Variants in LIX1 observed in about 807,000 individuals in gnomAD.
LIX1 encodes the protein limb and CNS expressed 1, also known as protein limb expression 1 homolog.
LIX1 carries 24 observed loss-of-function variants against 33.4 expected under a neutral mutation model. The observed-to-expected ratio is 0.72, with a 90% confidence interval of 0.52 to 1.01. LIX1 has a LOEUF of 1.01. Among genes scored for constraint, LIX1 ranks in the 50% least tolerant of loss-of-function variants. LIX1 has a pLI of 0.00. For missense variants in LIX1, 311 were observed against 339.2 expected (o/e 0.92, Z 0.65); for synonymous variants, 124 against 124.0 (o/e 1.00, Z 0.00).
chr5:97,112,473 C>A (rs1288646079), intron 2 of LIX1, among the ~76,000 whole-genome samples: 1 of 152,174 alleles, frequency 6.6e-6, no homozygotes, highest in Admixed American at 6.5e-5. Flanking sequence ...TTATACAGTT[C>A]ATTCTTGCTA....
chr5:97,113,127 TCCCAAG>T, intron 2 of LIX1, among the ~76,000 whole-genome samples: 1 of 152,230 alleles, frequency 6.6e-6, no homozygotes, highest in South Asian at 2.1e-4. Flanking sequence ...TTATGAGCAG[TCCCAAG>T]GAAAGGCATA....
chr5:97,100,935 TA>T (rs1746662802), intron 4 of LIX1, among the ~76,000 whole-genome samples: 1 of 150,580 alleles, frequency 6.6e-6, no homozygotes, highest in African/African-American at 2.4e-5. Context: ...TTTTTTTAAA[TA>T]AAGGAAATTA....
At chr5:97,138,885 C>T (rs1380140181) in intron 1 of LIX1, among the ~76,000 whole-genome samples, 1 of 152,108 alleles carries the variant, frequency 6.6e-6, no homozygotes, top group African/African-American at 2.4e-5. Flanking sequence ...TTCATTGAAG[C>T]ATTTCAGATT....
chr5:97,094,930 G>T lies in LIX1; in HGVS notation c.667C>A (p.Gln223Lys). The T allele has an allele frequency of 1.2e-6, 2 of 1,614,178 alleles. No homozygotes were observed. The highest frequency in any genetic ancestry group is 1.7e-6 in the Non-Finnish European group (2 of 1,180,026). The change falls in exon 6 of 6, where the codon CAA becomes AAA. Residue 223 changes from glutamine (Q) to lysine (K), a missense_variant. Transcript: ENST00000274382. ...TGCCTCAGGGCCATTCGTAGCTCTT[G>T]AGAGACAATTCCTGGTGAGTCCCGC... ...KERDSPGIVSQELRMALRQLE... is the reference protein window; with the variant it reads ...KERDSPGIVSKELRMALRQLE...
intron 1 of LIX1, among the ~76,000 whole-genome samples, chr5:97,127,728 G>T (rs1194419286): frequency 6.6e-6 from 1 of 152,180 alleles, no homozygotes; most frequent in Non-Finnish European, 1.5e-5. Context: ...TTTGAGAGTA[G>T]GCGTCAATCA....
At position 97,124,473 on chromosome 5, in the gene LIX1, T is replaced by C; in HGVS notation, c.239A>G (p.Asn80Ser). Residue 80 changes from asparagine (N) to serine (S), a missense_variant, in exon 2 of 6, where the codon AAC becomes AGC. By Grantham distance (46) the Asn-to-Ser change is conservative. Transcript: ENST00000274382. ...TTAATGGCTACTTCTTACCTGAAAG[T>C]TGCCAAAACAGCTTCCCCCTGGGAG... ...VTLPGGSCFG[N>S]FQCCLSRAEA... The C allele has an allele frequency of 6.3e-7, 1 of 1,598,576 alleles. No homozygotes were observed. Among genetic ancestry groups the C allele is most frequent in the East Asian group, 2.3e-5 (1 of 44,430 alleles).
chr5:97,098,659 A>T (rs1244279393), intron 4 of LIX1, among the ~76,000 whole-genome samples: 1 of 152,164 alleles, frequency 6.6e-6, no homozygotes, highest in Admixed American at 6.5e-5. Flanking sequence ...CTGAGGCAGG[A>T]GAATTGATTG....
At chr5:97,135,557 G>A (rs1294818442) in intron 1 of LIX1, among the ~76,000 whole-genome samples, 4 of 152,192 alleles carry the variant, frequency 2.6e-5, no homozygotes, top group Non-Finnish European at 5.9e-5. Context: ...AGTGGCTCAC[G>A]TCTGTAATCC....
At chr5:97,103,962 C>T (rs1366071547) in intron 4 of LIX1, among the ~76,000 whole-genome samples, 3 of 124,142 alleles carry the variant, frequency 2.4e-5, no homozygotes, top group East Asian at 4.4e-4. Flanking sequence ...TAGACTCCGT[C>T]TCAAAAAAGA....
rs548128133 is a variant in LIX1 at position 97,098,838 on chromosome 5, G to C, written c.484-1951C>G. Among the ~76,000 whole-genome samples, 186 of 152,290 alleles carry C rather than the reference G, an allele frequency of 1.2e-3. 1 individual carries two copies. The highest frequency in any genetic ancestry group is 3.9e-3 in the South Asian group (19 of 4,830). On this transcript the variant is annotated intron_variant, in intron 4 of 5. Coordinates refer to ENST00000274382, the MANE Select transcript of LIX1 (RefSeq NM_153234.5). ...GTTTTAGGCATCTTAAAATTATTTG[G>C]TAAATTTTAAAGCTATCAGATTATT... is the stretch of plus-strand genomic sequence containing the variant.
At chr5:97,118,494 C>G (rs185223078) in intron 2 of LIX1, among the ~76,000 whole-genome samples, 68 of 145,394 alleles carry the variant, frequency 4.7e-4, no homozygotes, top group African/African-American at 1.6e-3. Flanking sequence ...TTGTATTGCT[C>G]TATTGTAAAA....
intron 5 of LIX1, among the ~76,000 whole-genome samples, chr5:97,095,765 C>T (rs1447035960): frequency 6.6e-6 from 1 of 152,144 alleles, no homozygotes; most frequent in Non-Finnish European, 1.5e-5. Flanking sequence ...TAGAGTTGAT[C>T]ATGTGGAGTG....
intron 1 of LIX1, among the ~76,000 whole-genome samples, chr5:97,138,910 T>A (rs78690474): frequency 6.6e-6 from 1 of 152,164 alleles, no homozygotes. Context: ...ATTTTCAGAT[T>A]TGGGGTGCTA....
chr5:97,105,347 A>G, intron 3 of LIX1, 62 bp from the exon 4 acceptor site: 1 of 1,387,274 alleles, frequency 7.2e-7, no homozygotes, highest in East Asian at 2.3e-5. Flanking sequence ...TTGAATGGTC[A>G]CAAATTAATT....
At chr5:97,122,307 C>T (rs1397929425) in intron 2 of LIX1, among the ~76,000 whole-genome samples, 1 of 152,160 alleles carries the variant, frequency 6.6e-6, no homozygotes, top group Non-Finnish European at 1.5e-5. Context: ...CTCTTCTTTA[C>T]TTTCACAGTA....
At chr5:97,126,708 C>T (rs1363001640) in intron 1 of LIX1, among the ~76,000 whole-genome samples, 12 of 143,684 alleles carry the variant, frequency 8.4e-5, no homozygotes, top group Admixed American at 6.5e-4. Context: ...GGCACGATCT[C>T]GGCTCATTGC....
At chr5:97,127,109 A>C (rs774087055) in intron 1 of LIX1, among the ~76,000 whole-genome samples, 5 of 152,182 alleles carry the variant, frequency 3.3e-5, no homozygotes, top group Non-Finnish European at 7.3e-5. Flanking sequence ...TCCAGAAGTC[A>C]GCAGAGATGT....
intron 2 of LIX1, among the ~76,000 whole-genome samples, chr5:97,120,104 T>C (rs780520168): frequency 9.9e-5 from 15 of 152,200 alleles, no homozygotes; most frequent in Non-Finnish European, 1.6e-4. Context: ...TCAATACTTT[T>C]AAATTCATCC....
intron 2 of LIX1, among the ~76,000 whole-genome samples, chr5:97,108,553 C>G (rs554865008): frequency 1.9e-4 from 29 of 152,298 alleles, no homozygotes; most frequent in African/African-American, 7.0e-4. Flanking sequence ...CCCATAAGTA[C>G]TGGACTGTCC....
Sources: gnomAD v4.1 joint callset for allele counts (sites outside exome capture counted in the v4.1 genomes callset) on GRCh38, gnomAD v4.1.1 for gene constraint, MANE v1.5 for transcripts, NCBI Gene and HGNC (gene_info 2026-07-23, HGNC 2026-07-21) for gene names.